AFDN: variants seen among roughly 807,000 people sequenced by gnomAD.
The protein encoded by AFDN is afadin, adherens junction formation factor.
A neutral mutation model predicts 216.6 loss-of-function variants in AFDN; 68 were observed. That is an observed-to-expected ratio of 0.31 (90% confidence interval 0.26 to 0.38). AFDN has a LOEUF of 0.38. Among genes scored for constraint, AFDN ranks in the 10% least tolerant of loss-of-function variants. The pLI, the probability that AFDN is intolerant of heterozygous loss-of-function variation, is 1.00. For synonymous variants in AFDN, 868 were observed against 853.7 expected, an observed-to-expected ratio of 1.02 and a Z score of -0.29; for missense variants, 2,136 against 2,342.0, an observed-to-expected ratio of 0.91 and a Z score of 1.82.
chr6:167,903,966 C>T (rs971444643), intron 12 of AFDN, among the ~76,000 whole-genome samples: 1 of 152,126 alleles, frequency 6.6e-6, no homozygotes, highest in Non-Finnish European at 1.5e-5. Context: ...GGGTATATTA[C>T]CCTCCTATAA....
chr6:167,850,881 TTGTG>T (rs35799397), intron 1 of AFDN, among the ~76,000 whole-genome samples: 5,209 of 151,192 alleles, frequency 0.034, 123 homozygotes, highest in African/African-American at 0.055. Flanking sequence ...TAATTTTTTA[TTGTG>T]TGTGTGTGTG....
intron 6 of AFDN, among the ~76,000 whole-genome samples, chr6:167,885,053 A>G (rs1191342841): frequency 6.6e-6 from 1 of 152,124 alleles, no homozygotes; most frequent in African/African-American, 2.4e-5. Flanking sequence ...AACCTCACAA[A>G]TCAACCTCTG....
At chr6:167,861,236 A>G (rs1583191710) in intron 1 of AFDN, among the ~76,000 whole-genome samples, 1 of 152,242 alleles carries the variant, frequency 6.6e-6, no homozygotes, top group Non-Finnish European at 1.5e-5. Flanking sequence ...GCAGAATGTT[A>G]ATCTGTTTAT....
intron 2 of AFDN, among the ~76,000 whole-genome samples, chr6:167,866,165 G>T (rs1784159663): frequency 3.1e-5 from 1 of 32,170 alleles, no homozygotes; most frequent in Non-Finnish European, 9.9e-5. Flanking sequence ...ATACTGTCGA[G>T]TGTGAAGTCT....
chr6:167,862,906 A>G (rs1035113572), intron 1 of AFDN, among the ~76,000 whole-genome samples: 2 of 152,150 alleles, frequency 1.3e-5, no homozygotes, highest in African/African-American at 4.8e-5. Flanking sequence ...TCTATGGGTA[A>G]GTGTTGTTTC....
intron 33 of AFDN, 151 bp from the exon 34 acceptor site, chr6:167,969,631 A>G (rs1393417622): frequency 1.5e-6 from 1 of 681,486 alleles, no homozygotes; most frequent in African/African-American, 1.9e-5. Flanking sequence ...GTTTAAATAC[A>G]GCCCCTGTGA....
At chr6:167,943,329 C>G (rs767084909) in intron 24 of AFDN, 73 bp from the exon 25 acceptor site, 1 of 1,473,832 alleles carries the variant, frequency 6.8e-7, no homozygotes, top group Admixed American at 1.7e-5. Context: ...ATCTACTCAT[C>G]ATTACCTTTT....
chr6:167,961,671 A>G (rs564350073), intron 30 of AFDN, among the ~76,000 whole-genome samples: 22 of 152,226 alleles, frequency 1.4e-4, no homozygotes, highest in Admixed American at 4.6e-4. Context: ...TTGTTAACAT[A>G]AGAACTTCTT....
chr6:167,878,120 G>A (rs1785619168), intron 5 of AFDN, among the ~76,000 whole-genome samples: 1 of 151,698 alleles, frequency 6.6e-6, no homozygotes, highest in Admixed American at 6.6e-5. Flanking sequence ...AGAAGTTTTA[G>A]TTGATTCTTC....
chr6:167,834,479 T>C (rs111319937), intron 1 of AFDN, among the ~76,000 whole-genome samples: 21 of 145,334 alleles, frequency 1.4e-4, no homozygotes, highest in South Asian at 6.6e-4. Context: ...TTTTTTTTTT[T>C]CGAAAGGTAT....
At chr6:167,921,809 A>G (rs370825326) in intron 21 of AFDN, among the ~76,000 whole-genome samples, 1 of 104,638 alleles carries the variant, frequency 9.6e-6, no homozygotes, top group Non-Finnish European at 1.9e-5. Flanking sequence ...TTTAAAAAAT[A>G]AAAAAAAAAA....
intron 30 of AFDN, among the ~76,000 whole-genome samples, chr6:167,955,982 G>A (rs112394806): frequency 2.6e-5 from 4 of 151,936 alleles, no homozygotes; most frequent in African/African-American, 9.6e-5. Context: ...GGGCACAGTG[G>A]CGGGCACCTG....
At chr6:167,955,795 A>T (rs557481264) in intron 30 of AFDN, among the ~76,000 whole-genome samples, 6 of 152,264 alleles carry the variant, frequency 3.9e-5, no homozygotes, top group African/African-American at 1.4e-4. Context: ...GTTCCCCAGT[A>T]CATATTATTA....
intron 31 of AFDN, chr6:167,964,395 C>G: frequency 9.4e-7 from 1 of 1,064,662 alleles, no homozygotes; most frequent in South Asian, 4.6e-5. Context: ...CTTGATAGTT[C>G]CATTTAAAAG....
intron 13 of AFDN, among the ~76,000 whole-genome samples, 157 bp downstream of exon 13, chr6:167,907,446 A>G (rs981338110): frequency 2.6e-5 from 4 of 152,230 alleles, no homozygotes; most frequent in African/African-American, 9.6e-5. Flanking sequence ...TATTGAATTG[A>G]AAGAAATGCT....
chr6:167,935,171 C>T (rs1793830086), intron 23 of AFDN, among the ~76,000 whole-genome samples: 2 of 152,188 alleles, frequency 1.3e-5, no homozygotes, highest in South Asian at 4.1e-4. Context: ...GTCCCATCCC[C>T]ACTCTGAAAC....
At chr6:167,870,000 A>T (rs752794220) in intron 2 of AFDN, among the ~76,000 whole-genome samples, 3 of 152,220 alleles carry the variant, frequency 2.0e-5, no homozygotes, top group Non-Finnish European at 4.4e-5. Context: ...TCATAGAATC[A>T]GTGGAACTTC....
intron 6 of AFDN, among the ~76,000 whole-genome samples, chr6:167,887,012 CAAAA>C (rs67970460): frequency 7.7e-5 from 7 of 90,498 alleles, no homozygotes; most frequent in Non-Finnish European, 1.2e-4. Flanking sequence ...GAGACTGTAT[CAAAA>C]AAAAAAAAAA....
At chr6:167,832,222 T>C (rs180846762) in intron 1 of AFDN, among the ~76,000 whole-genome samples, 23 of 152,316 alleles carry the variant, frequency 1.5e-4, no homozygotes, top group African/African-American at 5.5e-4. Flanking sequence ...CTTTAACCAG[T>C]TCTGGGCATG....
Sources: gnomAD v4.1 joint callset for allele counts (sites outside exome capture counted in the v4.1 genomes callset) on GRCh38, gnomAD v4.1.1 for gene constraint, MANE v1.5 for transcripts, NCBI Gene and HGNC (gene_info 2026-07-23, HGNC 2026-07-21) for gene names.